The following THSD4 variants were observed in gnomAD, a reference collection of about 807,000 sequenced individuals.
THSD4 encodes thrombospondin type 1 domain containing 4.
THSD4 carries 69 observed loss-of-function variants against 119.0 expected under a neutral mutation model. That is an observed-to-expected ratio of 0.58 (90% CI 0.48 to 0.71). THSD4 has a LOEUF of 0.71. Among genes scored for constraint, THSD4 ranks in the 30% least tolerant of loss-of-function variants. The pLI is 0.00. For missense variants in THSD4, 1,393 were observed against 1,391.1 expected, an observed-to-expected ratio of 1.00 and a Z score of -0.02; for synonymous variants, 524 against 540.4, an observed-to-expected ratio of 0.97 and a Z score of 0.42.
intron 7 of THSD4, among the ~76,000 whole-genome samples, chr15:71,590,778 C>T (rs753177627): frequency 4.6e-5 from 7 of 151,812 alleles, no homozygotes; most frequent in South Asian, 2.1e-4. Flanking sequence ...CCAAGGCAGG[C>T]GGATCATGAG....
intron 6 of THSD4, among the ~76,000 whole-genome samples, chr15:71,369,788 G>A (rs1316428358): frequency 2.6e-5 from 4 of 152,146 alleles, no homozygotes; most frequent in Non-Finnish European, 4.4e-5. Context: ...GATGATGCTG[G>A]CCTCATAAAA....
rs190577740 is a variant in THSD4, at chr15:71,314,598, A to G, written c.1015+57883A>G. Among the ~76,000 whole-genome samples, 453 of 152,266 alleles carry G rather than the reference A, an allele frequency of 3.0e-3. 3 individuals carry two copies. The highest frequency in any genetic ancestry group is 0.01 in the African/African-American group (436 of 41,550). ...CTGGGATTACAGGCATGAGCCACCC[A>G]CTGTGCCTGGCCATTTTTATTCTTT... On this transcript the variant is annotated intron_variant, in intron 6 of 17. Transcript: ENST00000261862.
At chr15:71,129,853 T>G (rs1382329185) in intron 1 of THSD4, among the ~76,000 whole-genome samples, 1 of 152,206 alleles carries the variant, frequency 6.6e-6, no homozygotes, top group African/African-American at 2.4e-5. Context: ...TGCGCAAGCC[T>G]CAGGAGCAGG....
At chr15:71,323,807 TAAGC>T (rs1012021934) in intron 6 of THSD4, among the ~76,000 whole-genome samples, 2 of 152,198 alleles carry the variant, frequency 1.3e-5, no homozygotes, top group Admixed American at 6.5e-5. Context: ...AGAATGCAGA[TAAGC>T]AAGAAGAAAG....
At chr15:71,112,341 A>G, upstream of THSD4, 1 of 1,079,248 alleles carries the variant, frequency 9.3e-7, no homozygotes, top group South Asian at 2.0e-5. Context: ...TTAATTAATA[A>G]TTATAATAGG....
chr15:71,770,870 G>A (rs569560236), intron 16 of THSD4, among the ~76,000 whole-genome samples, 194 bp from the exon 17 acceptor site: 8 of 152,316 alleles, frequency 5.3e-5, no homozygotes, highest in Middle Eastern at 3.4e-3. Context: ...GGAGCAGGAG[G>A]GCTGGGGATA....
intron 7 of THSD4, among the ~76,000 whole-genome samples, chr15:71,530,787 C>CT (rs1176818189): frequency 1.1e-4 from 16 of 147,246 alleles, no homozygotes; most frequent in Non-Finnish European, 2.4e-4. Context: ...TTGATACCTA[C>CT]TGTGTACCAA....
chr15:71,290,608 C>G (rs1195081141), intron 6 of THSD4, among the ~76,000 whole-genome samples: 1 of 152,150 alleles, frequency 6.6e-6, no homozygotes, highest in African/African-American at 2.4e-5. Context: ...GCTTTGATTA[C>G]TAAGAAGTGC....
At chr15:71,369,946 C>A (rs140004251) in intron 6 of THSD4, among the ~76,000 whole-genome samples, 36,828 of 151,976 alleles carry the variant, frequency 0.24, 4,501 homozygotes, top group African/African-American at 0.27. Flanking sequence ...TTACTTAGTG[C>A]CTCAATTTCA....
chr15:71,545,465 G>A (rs1431115725), intron 7 of THSD4, among the ~76,000 whole-genome samples: 1 of 152,188 alleles, frequency 6.6e-6, no homozygotes, highest in Non-Finnish European at 1.5e-5. Flanking sequence ...TTTCCTTTGT[G>A]CTATAATGGC....
chr15:71,269,002 A>G (rs1001806044), intron 6 of THSD4, among the ~76,000 whole-genome samples: 2 of 152,214 alleles, frequency 1.3e-5, no homozygotes. Flanking sequence ...GCCCAGGACC[A>G]TACGGATTCA....
chr15:71,203,070 G>C (rs1596267053), intron 3 of THSD4, among the ~76,000 whole-genome samples: 2 of 152,186 alleles, frequency 1.3e-5, no homozygotes, highest in Admixed American at 6.5e-5. Context: ...ATGGGAGAGA[G>C]CCTGCTTGAT....
intron 6 of THSD4, among the ~76,000 whole-genome samples, chr15:71,264,442 G>T (rs1567174736): frequency 6.6e-6 from 1 of 152,204 alleles, no homozygotes; most frequent in Non-Finnish European, 1.5e-5. Flanking sequence ...GGCCATGTTT[G>T]CTTTGGGGAT....
At chr15:71,703,328 ATTAT>A (rs2141075270) in intron 8 of THSD4, among the ~76,000 whole-genome samples, 1 of 152,268 alleles carries the variant, frequency 6.6e-6, no homozygotes, top group African/African-American at 2.4e-5. Context: ...AATCTCTATT[ATTAT>A]TTAATTTTTC....
At chr15:71,374,913 CT>C (rs2046110882) in intron 6 of THSD4, among the ~76,000 whole-genome samples, 3 of 152,130 alleles carry the variant, frequency 2.0e-5, no homozygotes. Flanking sequence ...AAAAGTGAGC[CT>C]CCCAGACTAA....
intron 6 of THSD4, among the ~76,000 whole-genome samples, chr15:71,349,286 G>T (rs976531293): frequency 6.6e-6 from 1 of 152,200 alleles, no homozygotes; most frequent in Admixed American, 6.5e-5. Context: ...GCCCAGAAAA[G>T]CACCTAAAAT....
intron 8 of THSD4, among the ~76,000 whole-genome samples, chr15:71,684,260 T>C (rs915870179): frequency 1.3e-5 from 2 of 152,190 alleles, no homozygotes; most frequent in African/African-American, 4.8e-5. Context: ...TTATAAATTC[T>C]GAGTAATTTG....
chr15:71,399,583 A>T (rs536665865), intron 6 of THSD4, among the ~76,000 whole-genome samples: 2 of 152,314 alleles, frequency 1.3e-5, no homozygotes, highest in Non-Finnish European at 2.9e-5. Flanking sequence ...TATGTTAGCT[A>T]TGGCAGTGCA....
intron 7 of THSD4, among the ~76,000 whole-genome samples, chr15:71,502,161 A>G (rs2048121778): frequency 6.6e-6 from 1 of 152,240 alleles, no homozygotes; most frequent in South Asian, 2.1e-4. Context: ...GATAAATAGC[A>G]TGGTGGTTAG....
Sources: gnomAD v4.1 joint callset for allele counts (sites outside exome capture counted in the v4.1 genomes callset) on GRCh38, gnomAD v4.1.1 for gene constraint, MANE v1.5 for transcripts, NCBI Gene and HGNC (gene_info 2026-07-23, HGNC 2026-07-21) for gene names.